Variants in SHC4 observed in about 807,000 individuals in gnomAD.
SHC4 encodes SHC-transforming protein 4.
A neutral mutation model predicts 69.4 loss-of-function variants in SHC4; 41 were observed. The observed-to-expected ratio is 0.59, with a 90% CI of 0.46 to 0.77. The LOEUF (loss-of-function observed/expected upper bound fraction) is 0.77. Among genes scored for constraint, SHC4 ranks in the 30% least tolerant of loss-of-function variants. SHC4 has a pLI of 0.00. For synonymous variants in SHC4, 318 were observed against 299.3 expected, an observed-to-expected ratio of 1.06 and a Z score of -0.64; for missense variants, 777 against 783.8, an observed-to-expected ratio of 0.99 and a Z score of 0.10.
chr15:48,908,588 C>T (rs929859392), intron 2 of SHC4, among the ~76,000 whole-genome samples: 2 of 152,108 alleles, frequency 1.3e-5, no homozygotes, highest in African/African-American at 2.4e-5. Flanking sequence ...GTTTTTATTG[C>T]GTTTGCTTTT....
chr15:48,911,679 G>A (rs1900511937), intron 2 of SHC4, among the ~76,000 whole-genome samples: 1 of 151,952 alleles, frequency 6.6e-6, no homozygotes, highest in Non-Finnish European at 1.5e-5. Flanking sequence ...TTGTATTTTT[G>A]TTTTATAGGT....
At chr15:48,857,095 C>T (rs149165759) in intron 7 of SHC4, among the ~76,000 whole-genome samples, 6 of 152,310 alleles carry the variant, frequency 3.9e-5, no homozygotes, top group East Asian at 1.9e-4. Flanking sequence ...GGCATCACTG[C>T]ATTCCACACT....
intron 2 of SHC4, among the ~76,000 whole-genome samples, chr15:48,897,098 C>T (rs1189070724): frequency 6.6e-6 from 1 of 152,184 alleles, no homozygotes; most frequent in African/African-American, 2.4e-5. Context: ...GTGAGACTTT[C>T]TCCAGCTAGC....
intron 4 of SHC4, among the ~76,000 whole-genome samples, 162 bp from the exon 5 acceptor site, chr15:48,872,304 C>T (rs10519196): frequency 0.046 from 7,021 of 152,258 alleles, 324 homozygotes; most frequent in East Asian, 0.22. Context: ...ATTTAAACCA[C>T]GAGATTCTGA....
chr15:48,866,885 G>T (rs1899571732), intron 6 of SHC4, among the ~76,000 whole-genome samples: 1 of 152,236 alleles, frequency 6.6e-6, no homozygotes, highest in Admixed American at 6.5e-5. Flanking sequence ...CCTAAGAGGA[G>T]TCTGAATGTC....
intron 8 of SHC4, among the ~76,000 whole-genome samples, chr15:48,855,439 A>C (rs1899293201): frequency 6.6e-6 from 1 of 152,078 alleles, no homozygotes; most frequent in Admixed American, 6.6e-5. Flanking sequence ...GCTTTCTAGA[A>C]GTTTGTGGGT....
intron 6 of SHC4, among the ~76,000 whole-genome samples, chr15:48,858,784 C>A (rs887243337): frequency 1.3e-5 from 2 of 152,088 alleles, no homozygotes; most frequent in African/African-American, 4.8e-5. Context: ...CAAATTTTTA[C>A]AAAGGAACAT....
chr15:48,924,727 T>C, intron 2 of SHC4, 152 bp downstream of exon 2: 1 of 698,584 alleles, frequency 1.4e-6, no homozygotes, highest in South Asian at 1.7e-5. Context: ...ATCAAGCCAC[T>C]CATTGAAGGT....
At chr15:48,950,119 AATAAT>A (rs1185332714) in intron 1 of SHC4, among the ~76,000 whole-genome samples, 1 of 144,224 alleles carries the variant, frequency 6.9e-6, no homozygotes, top group Non-Finnish European at 1.5e-5. Context: ...ATAATTATAT[AATAAT>A]ATGTGTTTAT....
Position 48,963,419 on chromosome 15 carries a change from C to T in SHC4, c.-404G>A. 1 of 200,366 alleles carries T rather than the reference C, an allele frequency of 5.0e-6. No individual in the cohort carries two copies. The highest frequency in any genetic ancestry group is 1.0e-5 in the Non-Finnish European group (1 of 98,202). The allele number at this position is 200,366 out of a possible 1,614,324, so 12.4% of individuals were successfully genotyped here. A position where few individuals can be genotyped will look rare whatever the true frequency, so the allele number is the denominator to read the frequency against. On this transcript the variant is annotated 5_prime_UTR_variant, in exon 1 of 12. Transcript: ENST00000332408. ...AGTAGAAATATTTAGCACCCGACTC[C>T]CACCCTCACCCCAGCCTTCTGTTCT...
At chr15:48,880,025 T>G (rs1237969681) in intron 4 of SHC4, 1 of 167,092 alleles carries the variant, frequency 6.0e-6, no homozygotes, top group African/African-American at 2.4e-5. Flanking sequence ...GTTACCTTAC[T>G]AAGATGCTGA....
At chr15:48,897,699 G>A (rs1900247874) in intron 2 of SHC4, among the ~76,000 whole-genome samples, 1 of 139,982 alleles carries the variant, frequency 7.1e-6, no homozygotes, top group Non-Finnish European at 1.5e-5. Context: ...ATGAAACCAG[G>A]CAAAGGGGCC....
intron 4 of SHC4, chr15:48,878,590 A>G: frequency 3.7e-6 from 6 of 1,614,084 alleles, no homozygotes; most frequent in Non-Finnish European, 5.1e-6. Context: ...TTCTGAGAAC[A>G]AGAGAACCAG....
Position 48,959,185 on chromosome 15 carries a change from C to T in SHC4, c.585+3246G>A, listed in dbSNP as rs375845016. 1.2e-3 allele frequency among the ~76,000 whole-genome samples: 186 copies of T among 152,178 alleles called. No individual in the cohort carries two copies. In the Middle Eastern group the frequency reaches 0.017, roughly 14 times the overall value. The stretch of plus-strand genomic sequence containing the variant: ...AAAGTAAAGAGTAGCTATAACAATC[C>T]CACTTTTTACCCAAGAGTAATATGC... On this transcript the variant is annotated intron_variant, in intron 1 of 11. Coordinates refer to ENST00000332408, the MANE Select transcript of SHC4 (RefSeq NM_203349.4).
intron 2 of SHC4, among the ~76,000 whole-genome samples, chr15:48,913,884 T>C (rs1039080451): frequency 3.3e-5 from 5 of 152,132 alleles, no homozygotes; most frequent in Admixed American, 2.6e-4. Context: ...CCCCAGTGGG[T>C]GTGTTTGTTC....
At chr15:48,874,772 G>A (rs999525451) in intron 4 of SHC4, among the ~76,000 whole-genome samples, 4 of 152,210 alleles carry the variant, frequency 2.6e-5, no homozygotes, top group Non-Finnish European at 5.9e-5. Flanking sequence ...TGACACTTAA[G>A]TTGCATCTGG....
At chr15:48,949,848 T>C (rs918121212) in intron 1 of SHC4, among the ~76,000 whole-genome samples, 1 of 145,974 alleles carries the variant, frequency 6.9e-6, no homozygotes, top group Non-Finnish European at 1.5e-5. Flanking sequence ...GTAATATTTA[T>C]ATATTATAAT....
intron 1 of SHC4, among the ~76,000 whole-genome samples, chr15:48,959,270 G>A (rs1901500537): frequency 6.6e-6 from 1 of 152,070 alleles, no homozygotes; most frequent in Non-Finnish European, 1.5e-5. Flanking sequence ...GCTCTCCATA[G>A]CACTTAATGC....
chr15:48,931,085 C>G (rs77767024), intron 1 of SHC4, among the ~76,000 whole-genome samples: 4 of 152,328 alleles, frequency 2.6e-5, no homozygotes, highest in Non-Finnish European at 5.9e-5. Context: ...TCTTCTTTAG[C>G]TTTCCTGAGA....
Sources: allele counts gnomAD v4.1 joint callset (sites outside exome capture counted in the v4.1 genomes callset), GRCh38; gene constraint gnomAD v4.1.1; transcripts MANE v1.5; gene names NCBI Gene and HGNC (gene_info 2026-07-23, HGNC 2026-07-21).